The following TNNI3K variants were observed in gnomAD, a reference collection of about 807,000 sequenced individuals.
TNNI3K encodes the protein serine/threonine-protein kinase TNNI3K.
In TNNI3K, 140 loss-of-function variants were observed where a neutral mutation model predicts 114.5. That is an observed-to-expected ratio of 1.22 (90% CI 1.07 to 1.41). The LOEUF is 1.41. Ranked by LOEUF, TNNI3K falls within the 40% of genes most tolerant of loss-of-function variation. TNNI3K has a pLI of 0.00. For missense variants in TNNI3K, 1,125 were observed against 1,007.6 expected (o/e 1.12, Z -1.58); for synonymous variants, 347 against 347.5 (o/e 1.00, Z 0.02).
chr1:74,254,311 A>G (rs1353306694), intron 4 of TNNI3K, among the ~76,000 whole-genome samples: 1 of 152,224 alleles, frequency 6.6e-6, no homozygotes, highest in Non-Finnish European at 1.5e-5. Context: ...ATTAACATTG[A>G]TAAGATATGA....
At chr1:74,249,348 A>G in intron 2 of TNNI3K, 111 bp from the exon 3 acceptor site, 2 of 1,131,202 alleles carry the variant, frequency 1.8e-6, no homozygotes, top group South Asian at 3.4e-5. Context: ...TAATCTTAGA[A>G]AAAATACATT....
chr1:74,336,276 CA>C, intron 7 of TNNI3K, 127 bp downstream of exon 7: 1 of 1,215,358 alleles, frequency 8.2e-7, no homozygotes, highest in Non-Finnish European at 1.1e-6. Flanking sequence ...ATTTGCTCCA[CA>C]AGTCATAATT....
intron 5 of TNNI3K, among the ~76,000 whole-genome samples, chr1:74,276,802 T>A (rs557251234): frequency 5.3e-4 from 80 of 152,232 alleles, no homozygotes; most frequent in African/African-American, 1.7e-3. Context: ...TAAACAATCT[T>A]ACAATAAAAT....
At chr1:74,480,640 A>G (rs886303314) in intron 21 of TNNI3K, 8 of 717,144 alleles carry the variant, frequency 1.1e-5, no homozygotes, top group Non-Finnish European at 2.1e-5. Flanking sequence ...TCTGATTCCC[A>G]TCCAGCTGGA....
chr1:74,435,960 C>T lies in TNNI3K; in HGVS notation c.1773-120C>T, dbSNP rs1033134850. 5 of 1,291,844 alleles carry T rather than the reference C, an allele frequency of 3.9e-6. No individual in the cohort carries two copies. In the African/African-American group the frequency reaches 7.6e-5, roughly 20 times the overall value. The allele number at this position is 1,291,844 out of a possible 1,614,324, so 80.0% of individuals were successfully genotyped here. Reference sequence around the variant, plus strand: ...AAAATTTTGATTTAGCCCTTTGGGGCCCATTTATTCTCTAGGGCAAACAAA... The same window carrying T: ...AAAATTTTGATTTAGCCCTTTGGGGTCCATTTATTCTCTAGGGCAAACAAA... On this transcript the variant is annotated intron_variant, in intron 17 of 24. Transcript: ENST00000326637.
rs547349772 is a variant in TNNI3K at position 74,333,321 on chromosome 1, A to G, written c.543+1773A>G. Among the ~76,000 whole-genome samples, 19 of 152,376 alleles carry G rather than the reference A, an allele frequency of 1.2e-4. No individual in the cohort carries two copies. The South Asian group carries it at 3.9e-3, about 32-fold the overall frequency. On this transcript the variant is annotated intron_variant, in intron 6 of 24. Transcript: ENST00000326637. ...CTCAGAGTGCACTGGAGTGCAATGA[A>G]GAGCTGGGCACTGAAAATACTTTTA... is the stretch of plus-strand genomic sequence containing the variant.
In TNNI3K at chr1:74,236,208, T is replaced by G. The variant is rs773537169; in HGVS notation, c.147T>G (p.Phe49Leu). Residue 49 changes from phenylalanine (F) to leucine (L), a missense_variant and splice_region_variant, in exon 2 of 25, where the codon TTT becomes TTG. Phe to Leu is a conservative substitution (Grantham distance 22, BLOSUM62 0). Coordinates refer to ENST00000326637, the MANE Select transcript of TNNI3K (RefSeq NM_015978.3). The part of the protein sequence containing the change: ...EKELTELRNI[F>L]GSDEAFSKVN... Reference sequence around the variant, plus strand: ...AACTGACAGAACTAAGGAATATATTTGGGTAAAGTTGTAAGAGTCATTATT... The same window carrying G: ...AACTGACAGAACTAAGGAATATATTGGGGTAAAGTTGTAAGAGTCATTATT... 1.2e-6 allele frequency: 2 copies of G among 1,602,850 alleles called. No individual in the cohort carries two copies. The highest frequency in any genetic ancestry group is 1.7e-6 in the Non-Finnish European group (2 of 1,173,034).
At chr1:74,369,967 A>G (rs1662507375) in intron 16 of TNNI3K, 1 of 233,664 alleles carries the variant, frequency 4.3e-6, no homozygotes, top group Non-Finnish European at 8.1e-6. Context: ...TTATGCATAT[A>G]GTAATTAGAA....
intron 17 of TNNI3K, among the ~76,000 whole-genome samples, chr1:74,394,990 G>A (rs987663852): frequency 6.6e-6 from 1 of 151,350 alleles, no homozygotes; most frequent in African/African-American, 2.4e-5. Context: ...CTTGCAGTGA[G>A]CCGAGATCGC....
intron 10 of TNNI3K, 35 bp from the exon 11 acceptor site, chr1:74,353,945 T>C (rs201355847): frequency 1.9e-6 from 3 of 1,576,380 alleles, no homozygotes; most frequent in Non-Finnish European, 1.7e-6. Flanking sequence ...TTTTCTTTTT[T>C]CTCCTTTTGT....
At chr1:74,384,033 A>G (rs1422163058) in intron 17 of TNNI3K, among the ~76,000 whole-genome samples, 1 of 152,086 alleles carries the variant, frequency 6.6e-6, no homozygotes, top group Non-Finnish European at 1.5e-5. Context: ...CAGATAATCC[A>G]AAATATAGGG....
rs2100669695 is a variant in TNNI3K at position 74,439,490 on chromosome 1, A to AAC, written c.1880_1881dup (p.Leu628ThrfsTer72). 6.2e-7 allele frequency: 1 copy of AAC among 1,611,700 alleles called. No homozygotes were observed. Among genetic ancestry groups the AAC allele is most frequent in the East Asian group, 2.2e-5 (1 of 44,808 alleles). On this transcript the variant is annotated frameshift_variant and splice_region_variant, in exon 20 of 25. Coordinates refer to ENST00000326637, the MANE Select transcript of TNNI3K (RefSeq NM_015978.3). LOFTEE classifies it high-confidence loss of function. ...CTTGTGGATGTTTCTTGATGTGCAGAACCTCCGTTGGATGGCTCCTGAGGT... is the reference window on the plus strand; with the variant it reads ...CTTGTGGATGTTTCTTGATGTGCAGAACACCTCCGTTGGATGGCTCCTGAGGT...
At chr1:74,274,118 T>C (rs1344139686) in intron 5 of TNNI3K, among the ~76,000 whole-genome samples, 1 of 151,942 alleles carries the variant, frequency 6.6e-6, no homozygotes, top group East Asian at 1.9e-4. Flanking sequence ...TCCATTATCA[T>C]GTATTTTTAA....
chr1:74,254,964 A>C (rs971624520), intron 4 of TNNI3K, among the ~76,000 whole-genome samples: 1 of 152,102 alleles, frequency 6.6e-6, no homozygotes, highest in Non-Finnish European at 1.5e-5. Context: ...GCAAGAATCG[A>C]TATTATTATC....
intron 2 of TNNI3K, 23 bp from the exon 3 acceptor site, chr1:74,249,436 C>T (rs1223697714): frequency 6.3e-7 from 1 of 1,597,652 alleles, no homozygotes; most frequent in Non-Finnish European, 8.5e-7. Flanking sequence ...ATTTTGTGAT[C>T]ATCTGTAACA....
intron 4 of TNNI3K, among the ~76,000 whole-genome samples, chr1:74,266,630 A>G (rs1216927971): frequency 6.6e-6 from 1 of 152,048 alleles, no homozygotes. Flanking sequence ...ATACTGAAAT[A>G]GAGTTGAAAT....
In TNNI3K at chr1:74,391,306, G is replaced by T. The variant is rs562516459; in HGVS notation, c.1772+20914G>T. On this transcript the variant is annotated intron_variant, in intron 17 of 24. Transcript: ENST00000326637. The stretch of plus-strand genomic sequence containing the variant: ...AAGGGCAAAAATGAAAGCTGAGAGA[G>T]CAGTTGGGAATCTATGGTGACATTC... 2.0e-5 allele frequency among the ~76,000 whole-genome samples: 3 copies of T among 152,296 alleles called. No homozygotes were observed. In the South Asian group the frequency reaches 6.2e-4, roughly 32 times the overall value.
At chr1:74,311,821 T>C (rs1659011960) in intron 5 of TNNI3K, among the ~76,000 whole-genome samples, 1 of 152,232 alleles carries the variant, frequency 6.6e-6, no homozygotes, top group Non-Finnish European at 1.5e-5. Context: ...AGGTATTTGA[T>C]AAAAGATTAT....
chr1:74,260,218 A>G (rs1353215630), intron 4 of TNNI3K, among the ~76,000 whole-genome samples: 1 of 152,138 alleles, frequency 6.6e-6, no homozygotes, highest in East Asian at 1.9e-4. Context: ...ATTTATTTGC[A>G]TATTTCAAAT....
Sources: allele counts gnomAD v4.1 joint callset (sites outside exome capture counted in the v4.1 genomes callset), GRCh38; gene constraint gnomAD v4.1.1; transcripts MANE v1.5; gene names NCBI Gene and HGNC (gene_info 2026-07-23, HGNC 2026-07-21).